The following RIPK4 variants were observed in gnomAD, a reference collection of about 807,000 sequenced individuals.
The protein encoded by RIPK4 is receptor-interacting serine/threonine-protein kinase 4.
In RIPK4, 17 loss-of-function variants were observed where a neutral mutation model predicts 42.9. That is an observed-to-expected ratio of 0.40 (90% CI 0.27 to 0.59). The LOEUF (loss-of-function observed/expected upper bound fraction) is 0.59, where lower values mean the gene tolerates loss of function less well. RIPK4 is among the 20% of genes least tolerant of loss of function. The pLI, the probability that RIPK4 is intolerant of heterozygous loss-of-function variation, is 0.47. For missense variants in RIPK4, 897 were observed against 1,104.4 expected (o/e 0.81, Z 2.66); for synonymous variants, 498 against 499.1 (o/e 1.00, Z 0.03).
Position 41,755,689 on chromosome 21 carries a change from T to C in RIPK4, c.474+836A>G, listed in dbSNP as rs999773405. Among the ~76,000 whole-genome samples the C allele has an allele frequency of 6.6e-6, 1 of 152,178 alleles. No individual in the cohort carries two copies. The highest frequency in any genetic ancestry group is 6.5e-5 in the Admixed American group (1 of 15,276). On this transcript the variant is annotated intron_variant, in intron 2 of 7. Transcript: ENST00000332512. The surrounding 1 kb of genome is among the most constrained non-coding windows in gnomAD (Gnocchi z 4.2). ...ACTCCCAGGGCAGACACCAGTGTCA[T>C]GTGGACCAGCCTATCACCCTGGGCC...
At chr21:41,762,567 G>T (rs976623582) in intron 1 of RIPK4, among the ~76,000 whole-genome samples, 2 of 152,172 alleles carry the variant, frequency 1.3e-5, no homozygotes, top group Non-Finnish European at 2.9e-5. Context: ...AAGCCTGAAA[G>T]GGCCTCTTTG....
chr21:41,762,495 G>C (rs2061223691), intron 1 of RIPK4, among the ~76,000 whole-genome samples: 1 of 152,172 alleles, frequency 6.6e-6, no homozygotes, highest in Non-Finnish European at 1.5e-5. Flanking sequence ...AAACTCCAGC[G>C]GCTTTAGGAA....
chr21:41,760,144 T>G (rs1431524937), intron 1 of RIPK4, among the ~76,000 whole-genome samples: 1 of 152,216 alleles, frequency 6.6e-6, no homozygotes, highest in Admixed American at 6.5e-5. Context: ...GGTGCCAAGT[T>G]GAATAACCCC....
In RIPK4 at chr21:41,744,015, G is replaced by A. The variant is rs1325728892; in HGVS notation, c.1062C>T (p.Ser354=). The A allele has an allele frequency of 1.2e-6, 2 of 1,613,226 alleles. No individual in the cohort carries two copies. Among genetic ancestry groups the A allele is most frequent in the Non-Finnish European group, 8.5e-7 (1 of 1,180,022 alleles). The part of the protein sequence containing the change: ...SQAVEGPEEL[S]RSSSESKLPS... Reference sequence around the variant, plus strand: ...GCAGCTTGGACTCAGAGGAGCTGCGGCTGAGCTCCTCGGGGCCCTCGACAG... The same window carrying A: ...GCAGCTTGGACTCAGAGGAGCTGCGACTGAGCTCCTCGGGGCCCTCGACAG... The change falls in exon 7 of 8, where the codon AGC becomes AGT. Residue 354 remains serine (S), a synonymous_variant. Transcript: ENST00000332512.
chr21:41,753,508 T>C (rs1000850472), intron 2 of RIPK4, among the ~76,000 whole-genome samples: 1 of 152,204 alleles, frequency 6.6e-6, no homozygotes, highest in Admixed American at 6.5e-5. Context: ...CCTCCCTCCA[T>C]GTCTCGGACT....
chr21:41,763,973 C>T (rs891628896), intron 1 of RIPK4, among the ~76,000 whole-genome samples: 4 of 152,116 alleles, frequency 2.6e-5, no homozygotes, highest in African/African-American at 9.7e-5. Flanking sequence ...CTGTGACCCC[C>T]ACAATGAGGG....
chr21:41,752,600 C>T (rs559868570), intron 2 of RIPK4, among the ~76,000 whole-genome samples: 22 of 152,318 alleles, frequency 1.4e-4, no homozygotes, highest in Non-Finnish European at 2.1e-4. Flanking sequence ...CCAGGGAAAG[C>T]GCCAGCTCCC....
At chr21:41,752,437 G>T (rs566261909) in intron 2 of RIPK4, among the ~76,000 whole-genome samples, 2 of 151,960 alleles carry the variant, frequency 1.3e-5, no homozygotes, top group Non-Finnish European at 2.9e-5. Flanking sequence ...AGGGAGGTAG[G>T]GGGGAAGGCC....
chr21:41,747,896 G>A (rs1313802627), intron 4 of RIPK4, among the ~76,000 whole-genome samples: 3 of 152,180 alleles, frequency 2.0e-5, no homozygotes, highest in Admixed American at 6.5e-5. Flanking sequence ...AGACCTTGGC[G>A]ATGACCTTGA....
chr21:41,741,487 T>C lies in RIPK4; in HGVS notation c.1706A>G (p.Asp569Gly). ...AGCGTAGTGCAGTGGCAGCCAGGCATCCTTGCCCTGCAGGCTCACGTCCAC... is the reference window on the plus strand; with the variant it reads ...AGCGTAGTGCAGTGGCAGCCAGGCACCCTTGCCCTGCAGGCTCACGTCCAC... ...RGVDVSLQGK[D>G]AWLPLHYAAW... The change falls in exon 8 of 8, where the codon GAT becomes GGT. Residue 569 changes from aspartate (D) to glycine (G), a missense_variant. Transcript: ENST00000332512. 1 of 1,612,670 alleles carries C rather than the reference T, an allele frequency of 6.2e-7. No homozygotes were observed. Among genetic ancestry groups the C allele is most frequent in the South Asian group, 1.1e-5 (1 of 91,076 alleles).
intron 3 of RIPK4, among the ~76,000 whole-genome samples, chr21:41,749,889 TAAAAAAAAAAAAAAA>T (rs776305508): frequency 1.0e-5 from 1 of 99,398 alleles, no homozygotes; most frequent in Admixed American, 1.1e-4. Flanking sequence ...CCAAATTGAT[TAAAAAAAAAAAAAAA>T]AAAAAGAAAA....
At position 41,741,752 on chromosome 21, in the gene RIPK4, T is replaced by G; in HGVS notation, c.1441A>C (p.Arg481=). The change falls in exon 8 of 8, where the codon AGG becomes CGG. Residue 481 remains arginine (R), a synonymous_variant. Coordinates refer to ENST00000332512, the MANE Select transcript of RIPK4 (RefSeq NM_020639.3). ...GSTPLHMAVE[R]RVRGVVELLL... is the part of the protein sequence containing the mutation. The stretch of plus-strand genomic sequence containing the variant: ...AGCTCCACGACACCCCGCACCCTCC[T>G]CTCCACGGCCATGTGCAACGGGGTG... 6.2e-7 allele frequency: 1 copy of G among 1,612,146 alleles called. No homozygotes were observed. Among genetic ancestry groups the G allele is most frequent in the Non-Finnish European group, 8.5e-7 (1 of 1,180,000 alleles).
chr21:41,763,253 T>C (rs950246886), intron 1 of RIPK4, among the ~76,000 whole-genome samples: 3 of 152,230 alleles, frequency 2.0e-5, no homozygotes, highest in African/African-American at 4.8e-5. Flanking sequence ...CATTTAGGGC[T>C]AGCCAAAGTG....
Position 41,743,868 on chromosome 21 carries a change from G to C in RIPK4, c.1195+14C>G. Reference sequence around the variant, plus strand: ...GCCCAGCATCTCTCGGGACACAGAGGCGTCCCCACTCACCGCTGGTTGAAG... The same window carrying C: ...GCCCAGCATCTCTCGGGACACAGAGCCGTCCCCACTCACCGCTGGTTGAAG... On this transcript the variant is annotated intron_variant, in intron 7 of 7. Transcript: ENST00000332512. The C allele has an allele frequency of 6.3e-7, 1 of 1,576,738 alleles. No individual in the cohort carries two copies. The highest frequency in any genetic ancestry group is 1.8e-5 in the Admixed American group (1 of 56,000).
At chr21:41,763,171 A>C (rs1489227536) in intron 1 of RIPK4, among the ~76,000 whole-genome samples, 1 of 152,174 alleles carries the variant, frequency 6.6e-6, no homozygotes, top group African/African-American at 2.4e-5. Context: ...CTGGGCATTA[A>C]TTAGGATTAA....
chr21:41,763,323 C>G (rs192631684), intron 1 of RIPK4, among the ~76,000 whole-genome samples: 7 of 152,174 alleles, frequency 4.6e-5, no homozygotes, highest in Admixed American at 2.0e-4. Flanking sequence ...TATCATCACA[C>G]CAATCATCTC....
At position 41,751,266 on chromosome 21, in the gene RIPK4, C is replaced by A; in HGVS notation, c.475-21G>T. 6.2e-7 allele frequency: 1 copy of A among 1,613,032 alleles called. No homozygotes were observed. Among genetic ancestry groups the A allele is most frequent in the South Asian group, 1.1e-5 (1 of 90,958 alleles). On this transcript the variant is annotated intron_variant, in intron 2 of 7. Coordinates refer to ENST00000332512, the MANE Select transcript of RIPK4 (RefSeq NM_020639.3). The surrounding 1 kb of genome is among the most constrained non-coding windows in gnomAD (Gnocchi z 4.5). ...GAAATCTGCAACACAGCCATCAGAG[C>A]GGGGCTCATTAGCCTGCAACAGTGA...
chr21:41,752,847 G>A (rs368149169), intron 2 of RIPK4, among the ~76,000 whole-genome samples: 1 of 152,124 alleles, frequency 6.6e-6, no homozygotes, highest in Non-Finnish European at 1.5e-5. Context: ...AGGGAAGGGA[G>A]AGCATTAGGA....
intron 4 of RIPK4, chr21:41,746,972 C>G (rs1414447608): frequency 6.7e-6 from 4 of 594,376 alleles, no homozygotes; most frequent in Admixed American, 7.0e-5. Flanking sequence ...CTCTAGTTTC[C>G]TGGTTTTGAA....
Sources: allele counts gnomAD v4.1 joint callset (sites outside exome capture counted in the v4.1 genomes callset), GRCh38; gene constraint gnomAD v4.1.1; non-coding constraint Gnocchi (gnomAD v3.1); transcripts MANE v1.5; gene names NCBI Gene and HGNC (gene_info 2026-07-23, HGNC 2026-07-21).